Variants in KDM6A observed in about 807,000 individuals in gnomAD.
The protein encoded by KDM6A is lysine-specific demethylase 6A.
In KDM6A, 11 loss-of-function variants were observed where a neutral mutation model predicts 117.6. The ratio of observed to expected loss-of-function variants is 0.09; its 90% CI spans 0.06 to 0.15. The LOEUF (loss-of-function observed/expected upper bound fraction) is 0.15. KDM6A is among the 10% of genes least tolerant of loss of function. KDM6A has a pLI of 1.00. For synonymous variants in KDM6A, 384 were observed against 396.1 expected, an observed-to-expected ratio of 0.97 and a Z score of 0.36; for missense variants, 799 against 1,077.3, an observed-to-expected ratio of 0.74 and a Z score of 3.62.
chrX:44,958,200 G>A (rs1229744437), intron 2 of KDM6A, among the ~76,000 whole-genome samples: 1 of 56,272 alleles, frequency 1.8e-5, no homozygotes, highest in Non-Finnish European at 3.3e-5. Context: ...TTTTTTTTTT[G>A]AGGCTGAGTC....
Position 44,993,867 on chromosome X carries a change from G to GA in KDM6A, c.385-17086dup, listed in dbSNP as rs1479540559. On this transcript the variant is annotated intron_variant, in intron 4 of 29. Transcript: ENST00000611820. Reference sequence around the variant, plus strand: ...GAGACAGAGTGAGACTCCGTCTCAAGAAAAAAAAGCTCTCGTCTTTTTCTT... The same window carrying GA: ...GAGACAGAGTGAGACTCCGTCTCAAGAAAAAAAAAGCTCTCGTCTTTTTCTT... 4.5e-5 allele frequency among the ~76,000 whole-genome samples: 5 copies of GA among 111,189 alleles called. No homozygotes were observed. The South Asian group carries it at 1.5e-3, about 34-fold the overall frequency.
rs749398538 is a variant in KDM6A at position 45,082,812 on chromosome X, CTG to C, written c.3440+26_3440+27del. On this transcript the variant is annotated intron_variant, in intron 23 of 29. Transcript: ENST00000611820. ...AAAGTAAGTCCTTGTAGTAATATTTCTGTGAACTGATGCAAAGAGTTATCCTG... is the reference window on the plus strand; with the variant it reads ...AAAGTAAGTCCTTGTAGTAATATTTCTGAACTGATGCAAAGAGTTATCCTG... 3.6e-5 allele frequency: 35 copies of C among 985,763 alleles called. 1 individual carries two copies. The highest frequency in any genetic ancestry group is 4.9e-5 in the Non-Finnish European group (34 of 690,892). 81.2% of individuals were successfully genotyped at this position (985,763 alleles called of 1,213,427 possible). A position where few individuals can be genotyped will look rare whatever the true frequency, so the allele number is the denominator to read the frequency against.
chrX:44,991,304 CT>C (rs780421808), intron 4 of KDM6A, among the ~76,000 whole-genome samples: 1 of 111,165 alleles, frequency 9.0e-6, no homozygotes, highest in South Asian at 3.8e-4. Context: ...GACTTATTCT[CT>C]TTTTTTCTTT....
chrX:45,033,415 G>T (rs962008755), intron 6 of KDM6A, among the ~76,000 whole-genome samples: 1 of 111,323 alleles, frequency 9.0e-6, no homozygotes, highest in African/African-American at 3.3e-5. Flanking sequence ...GTTTTATTTT[G>T]TTGACCATTG....
At chrX:45,094,446 C>T (rs867989998) in intron 27 of KDM6A, among the ~76,000 whole-genome samples, 1 of 111,532 alleles carries the variant, frequency 9.0e-6, no homozygotes, top group African/African-American at 3.3e-5. Flanking sequence ...AACTCTTGCA[C>T]CATGAGAAAG....
chrX:44,990,313 C>T (rs962289490), intron 4 of KDM6A, among the ~76,000 whole-genome samples: 11 of 111,227 alleles, frequency 9.9e-5, no homozygotes, highest in South Asian at 3.7e-4. Flanking sequence ...CCAAGGTGGG[C>T]GGATCACCTG....
intron 4 of KDM6A, among the ~76,000 whole-genome samples, chrX:44,990,050 G>A (rs931404134): frequency 3.6e-5 from 4 of 111,838 alleles, no homozygotes; most frequent in East Asian, 2.8e-4. Flanking sequence ...ATTGTTGGGC[G>A]TTATAGGACT....
At chrX:44,952,765 A>G (rs1163732568) in intron 2 of KDM6A, among the ~76,000 whole-genome samples, 2 of 109,826 alleles carry the variant, frequency 1.8e-5, no homozygotes, top group Non-Finnish European at 3.8e-5. Context: ...TTCATTAGGC[A>G]GTTGTTTTGT....
At chrX:45,104,446 A>G (rs1196263759) in intron 27 of KDM6A, among the ~76,000 whole-genome samples, 1 of 112,847 alleles carries the variant, frequency 8.9e-6, no homozygotes, top group Non-Finnish European at 1.9e-5. Flanking sequence ...ATGTACTTAA[A>G]TGTTGTCTTT....
At chrX:44,894,067 A>G (rs2033605456) in intron 2 of KDM6A, among the ~76,000 whole-genome samples, 1 of 111,950 alleles carries the variant, frequency 8.9e-6, no homozygotes. Context: ...TGTGTATAAG[A>G]TCATGACAAG....
At chrX:44,933,550 G>A (rs2036792122) in intron 2 of KDM6A, among the ~76,000 whole-genome samples, 1 of 106,483 alleles carries the variant, frequency 9.4e-6, no homozygotes, top group South Asian at 4.1e-4. Context: ...TGGATTTACA[G>A]GCGTGAGCTA....
intron 2 of KDM6A, among the ~76,000 whole-genome samples, chrX:44,885,233 C>T (rs1300715961): frequency 9.5e-6 from 1 of 105,193 alleles, no homozygotes; most frequent in East Asian, 3.0e-4. Context: ...TTCTTTGTTG[C>T]CCAGGCTGGT....
At chrX:44,963,949 C>T (rs1289394924) in intron 3 of KDM6A, among the ~76,000 whole-genome samples, 2 of 108,979 alleles carry the variant, frequency 1.8e-5, no homozygotes, top group African/African-American at 6.7e-5. Context: ...GAACTCCTGA[C>T]CTCAGGTGAT....
At chrX:44,941,543 C>T (rs867947625) in intron 2 of KDM6A, among the ~76,000 whole-genome samples, 26 of 104,832 alleles carry the variant, frequency 2.5e-4, no homozygotes, top group African/African-American at 6.1e-4. Context: ...TGCAGTGGCA[C>T]GATCTCGGCT....
intron 2 of KDM6A, among the ~76,000 whole-genome samples, chrX:44,886,427 C>T (rs747429974): frequency 1.1e-4 from 12 of 110,255 alleles, no homozygotes; most frequent in Non-Finnish European, 1.9e-4. Flanking sequence ...ATTACCAGGC[C>T]CCATGAATAT....
intron 4 of KDM6A, among the ~76,000 whole-genome samples, chrX:44,988,005 T>A (rs1411290399): frequency 1.8e-5 from 2 of 112,032 alleles, no homozygotes; most frequent in Non-Finnish European, 3.8e-5. Flanking sequence ...CAGAATGTTT[T>A]CCAACTTGGT....
intron 21 of KDM6A, among the ~76,000 whole-genome samples, chrX:45,079,991 A>C (rs772265890): frequency 7.5e-4 from 84 of 111,895 alleles, no homozygotes; most frequent in Non-Finnish European, 1.1e-3. Context: ...GATACTATTG[A>C]CATTTTGGAC....
chrX:44,972,280 A>G (rs2039387024), intron 3 of KDM6A, among the ~76,000 whole-genome samples: 1 of 111,344 alleles, frequency 9.0e-6, no homozygotes, highest in South Asian at 3.8e-4. Context: ...ACAAGTTAAG[A>G]AATAGAATGA....
intron 8 of KDM6A, among the ~76,000 whole-genome samples, chrX:45,051,260 G>A (rs1479619276): frequency 1.8e-5 from 2 of 111,346 alleles, no homozygotes; most frequent in African/African-American, 6.5e-5. Flanking sequence ...TGCCTGCCTC[G>A]GCCTCCCAAA....
Sources: allele counts gnomAD v4.1 joint callset (sites outside exome capture counted in the v4.1 genomes callset), GRCh38; gene constraint gnomAD v4.1.1; transcripts MANE v1.5; gene names NCBI Gene and HGNC (gene_info 2026-07-23, HGNC 2026-07-21).